Variants in SCHIP1 observed in about 807,000 individuals in gnomAD.
SCHIP1 encodes the protein schwannomin-interacting protein 1.
A neutral mutation model predicts 29.7 loss-of-function variants in SCHIP1; 8 were observed. The ratio of observed to expected loss-of-function variants is 0.27; its 90% CI spans 0.16 to 0.49. The LOEUF is 0.49. Ranked by LOEUF, SCHIP1 falls within the 20% of genes least tolerant of loss-of-function variation. The pLI is 0.99. For synonymous variants in SCHIP1, 76 were observed against 94.9 expected (o/e 0.80, Z 1.16); for missense variants, 193 against 294.6 (o/e 0.66, Z 2.52).
the SCHIP1 span, among the ~76,000 whole-genome samples, chr3:159,801,275 G>A: frequency 1.3e-5 from 2 of 152,178 alleles, no homozygotes; most frequent in Non-Finnish European, 2.9e-5. Context: ...GGTTATAAAT[G>A]TTGTTTCTCT....
chr3:159,373,153 A>G, the SCHIP1 span, among the ~76,000 whole-genome samples: 1 of 151,954 alleles, frequency 6.6e-6, no homozygotes, highest in African/African-American at 2.4e-5. Context: ...TAAAATATGC[A>G]AATATTTGAA....
chr3:159,572,611 G>C, the SCHIP1 span, among the ~76,000 whole-genome samples: 1 of 152,254 alleles, frequency 6.6e-6, no homozygotes, highest in African/African-American at 2.4e-5. Context: ...GGGATGGAGA[G>C]TTCTGTAGGT....
Position 159,888,999 on chromosome 3 carries a change from A to T in SCHIP1, c.589+56A>T, listed in dbSNP as rs577701967. On this transcript the variant is annotated intron_variant, in intron 5 of 6. Coordinates refer to ENST00000445224, the Ensembl canonical transcript of SCHIP1. Reference sequence around the variant, plus strand: ...ATTCAATGTAAAACATTATGGGATAATGCTGCTTCCTTGGTCCAACTTTTT... The same window carrying T: ...ATTCAATGTAAAACATTATGGGATATTGCTGCTTCCTTGGTCCAACTTTTT... The T allele has an allele frequency of 8.0e-5, 125 of 1,557,784 alleles. No individual in the cohort carries two copies. In the South Asian group the frequency reaches 1.5e-3, roughly 19 times the overall value.
the SCHIP1 span, among the ~76,000 whole-genome samples, chr3:159,603,818 G>T: frequency 1.3e-5 from 2 of 152,262 alleles, no homozygotes; most frequent in Admixed American, 1.3e-4. Flanking sequence ...TCAACATCTA[G>T]GGGCTGTATC....
At chr3:159,596,504 G>A in the SCHIP1 span, among the ~76,000 whole-genome samples, 2 of 152,142 alleles carry the variant, frequency 1.3e-5, no homozygotes, top group Non-Finnish European at 2.9e-5. Flanking sequence ...GCACACGTAT[G>A]TTTATTGTGG....
the SCHIP1 span, among the ~76,000 whole-genome samples, chr3:159,777,839 A>C: frequency 1.4e-4 from 22 of 152,196 alleles, no homozygotes; most frequent in Non-Finnish European, 3.1e-4. Flanking sequence ...GTCGTACATA[A>C]TACAGTGGAG....
At chr3:159,828,436 T>C in the SCHIP1 span, among the ~76,000 whole-genome samples, 62 of 78,812 alleles carry the variant, frequency 7.9e-4, 7 homozygotes, top group African/African-American at 2.5e-3. Flanking sequence ...TATACGTATA[T>C]ATACGTATAT....
At chr3:159,309,419 C>G in the SCHIP1 span, among the ~76,000 whole-genome samples, 1 of 152,070 alleles carries the variant, frequency 6.6e-6, no homozygotes, top group African/African-American at 2.4e-5. Flanking sequence ...TCTGTGTTTC[C>G]TACTGCTCGT....
chr3:159,507,028 A>C, the SCHIP1 span, among the ~76,000 whole-genome samples: 1 of 152,160 alleles, frequency 6.6e-6, no homozygotes, highest in East Asian at 1.9e-4. Context: ...CTTGATGAGG[A>C]TGGCATTGAA....
At chr3:159,762,539 C>T in the SCHIP1 span, among the ~76,000 whole-genome samples, 80,221 of 152,042 alleles carry the variant, frequency 0.53, 21,694 homozygotes, top group East Asian at 0.74. Context: ...TCACTGGGAA[C>T]AATTAGCAAC....
chr3:159,370,162 A>C, the SCHIP1 span, among the ~76,000 whole-genome samples: 3 of 152,192 alleles, frequency 2.0e-5, no homozygotes, highest in African/African-American at 7.2e-5. Flanking sequence ...TTCCAAATGG[A>C]GTAAAGACCA....
the SCHIP1 span, among the ~76,000 whole-genome samples, chr3:159,427,355 C>T: frequency 6.6e-6 from 1 of 151,826 alleles, no homozygotes; most frequent in African/African-American, 2.4e-5. Flanking sequence ...AGCAAAGTCT[C>T]AGGATACAAA....
At chr3:159,593,280 G>A in the SCHIP1 span, among the ~76,000 whole-genome samples, 4 of 152,134 alleles carry the variant, frequency 2.6e-5, no homozygotes, top group Admixed American at 6.6e-5. Flanking sequence ...CTCTGGAGTT[G>A]AGGAATGACA....
At chr3:159,397,866 C>T in the SCHIP1 span, among the ~76,000 whole-genome samples, 1 of 152,244 alleles carries the variant, frequency 6.6e-6, no homozygotes, top group Non-Finnish European at 1.5e-5. Context: ...GTTCGAGCTT[C>T]CTGACTGCTT....
At chr3:159,285,219 T>G in the SCHIP1 span, among the ~76,000 whole-genome samples, 1 of 152,170 alleles carries the variant, frequency 6.6e-6, no homozygotes, top group African/African-American at 2.4e-5. Flanking sequence ...CTGATCTTTC[T>G]TTTTAAGGTA....
chr3:159,841,452 A>G (rs909182918), intron 1 of SCHIP1, among the ~76,000 whole-genome samples: 1 of 152,230 alleles, frequency 6.6e-6, no homozygotes, highest in African/African-American at 2.4e-5. Flanking sequence ...TCACTTACAC[A>G]TAATACAGAA....
the SCHIP1 span, among the ~76,000 whole-genome samples, chr3:159,678,737 A>G: frequency 6.6e-6 from 1 of 152,248 alleles, no homozygotes; most frequent in Non-Finnish European, 1.5e-5. Flanking sequence ...AAGAGGTTTA[A>G]TTGACTTACA....
the SCHIP1 span, among the ~76,000 whole-genome samples, chr3:159,649,491 T>A: frequency 6.6e-6 from 1 of 152,018 alleles, no homozygotes; most frequent in African/African-American, 2.4e-5. Flanking sequence ...ATCACAAAAT[T>A]TAGACCTGCA....
chr3:159,281,229 G>T, the SCHIP1 span, among the ~76,000 whole-genome samples: 1 of 152,130 alleles, frequency 6.6e-6, no homozygotes, highest in East Asian at 1.9e-4. Context: ...ACTTCATTTT[G>T]GGATTTTGGA....
Sources: allele counts gnomAD v4.1 joint callset (sites outside exome capture counted in the v4.1 genomes callset), GRCh38; gene constraint gnomAD v4.1.1; transcripts MANE v1.5; gene names NCBI Gene and HGNC (gene_info 2026-07-23, HGNC 2026-07-21).